Variants in SYNE3 observed in about 807,000 individuals in gnomAD.
SYNE3 encodes the protein spectrin repeat containing nuclear envelope family member 3, also known as nesprin-3.
In SYNE3, 100 loss-of-function variants were observed where a neutral mutation model predicts 111.2. The observed-to-expected ratio is 0.90, with a 90% CI of 0.77 to 1.06. The LOEUF is 1.06. SYNE3 is among the 50% of genes least tolerant of loss of function. The probability of loss-of-function intolerance (pLI) is 0.00; values close to 1 mark genes in which losing one functional copy is unlikely to be tolerated. For missense variants in SYNE3, 1,160 were observed against 1,240.3 expected (o/e 0.94, Z 0.97); for synonymous variants, 547 against 533.9 (o/e 1.02, Z -0.34).
chr14:95,436,321 T>G (rs1886083324), intron 15 of SYNE3, among the ~76,000 whole-genome samples: 1 of 152,194 alleles, frequency 6.6e-6, no homozygotes, highest in Non-Finnish European at 1.5e-5. Context: ...GCCTCTGCTA[T>G]GAGAAGTCCA....
intron 10 of SYNE3, 172 bp downstream of exon 10, chr14:95,444,313 C>G: frequency 1.2e-6 from 1 of 818,940 alleles, no homozygotes; most frequent in South Asian, 2.5e-5. Flanking sequence ...CAGGAACCAT[C>G]AGATAAATAA....
At position 95,439,078 on chromosome 14, in the gene SYNE3, T is replaced by A; in HGVS notation, c.2331A>T (p.Gly777=). 1.2e-6 allele frequency: 2 copies of A among 1,614,214 alleles called. No homozygotes were observed. The highest frequency in any genetic ancestry group is 1.7e-6 in the Non-Finnish European group (2 of 1,180,032). Residue 777 remains glycine, a synonymous_variant, in exon 14 of 18, where the codon GGA becomes GGT. Coordinates refer to ENST00000682763, the MANE Select transcript of SYNE3 (RefSeq NM_152592.6). ...MVFTNNIPKS[G]FLINPMDPIP... ...TAGGATCCATGGGATTGATGAGAAA[T>A]CCTGACTTTGGGATGTTGTTGGTGA...
intron 17 of SYNE3, among the ~76,000 whole-genome samples, chr14:95,426,081 A>G (rs1350794580): frequency 6.6e-6 from 1 of 152,240 alleles, no homozygotes; most frequent in Non-Finnish European, 1.5e-5. Context: ...AGTGACAGAA[A>G]GACGAAGAAA....
chr14:95,452,482 G>A (rs1452896975), intron 6 of SYNE3, 99 bp from the exon 7 acceptor site: 1 of 1,399,964 alleles, frequency 7.1e-7, no homozygotes, highest in Non-Finnish European at 9.4e-7. Flanking sequence ...GGTGGGCTAG[G>A]CTAGGAAGAA....
In SYNE3 at chr14:95,413,720, G is replaced by C. The variant is rs1376967520; in HGVS notation, c.*4106C>G. 6.6e-6 allele frequency: 1 copy of C among 152,278 alleles called. No homozygotes were observed. The highest frequency in any genetic ancestry group is 1.5e-5 in the Non-Finnish European group (1 of 68,120). The allele number at this position is 152,278 out of a possible 1,614,324, so 9.4% of individuals were successfully genotyped here. ...TCTTTGGACCCCCGGTCCCTGCAGG[G>C]AACTCCAGCCAGCTGCCTGAAGCAA... On this transcript the variant is annotated 3_prime_UTR_variant, in exon 18 of 18. Transcript: ENST00000682763.
Position 95,455,731 on chromosome 14 carries a change from A to G in SYNE3, c.790-7T>C, listed in dbSNP as rs769692822. ...GAAAATCTTTGGCAATGTCCTGAAG[A>G]GGGTAGAGGGGTGAGGGAAAAACAG... On this transcript the variant is annotated splice_polypyrimidine_tract_variant and splice_region_variant and intron_variant, in intron 5 of 17. Coordinates refer to ENST00000682763, the MANE Select transcript of SYNE3 (RefSeq NM_152592.6). 48 of 1,612,674 alleles carry G rather than the reference A, an allele frequency of 3.0e-5. 1 individual carries two copies. The South Asian group carries it at 4.7e-4, about 16-fold the overall frequency.
chr14:95,475,352 AC>A (rs1269205951), intron 2 of SYNE3, among the ~76,000 whole-genome samples: 1 of 151,086 alleles, frequency 6.6e-6, no homozygotes, highest in Non-Finnish European at 1.5e-5. Flanking sequence ...AGGGCTGGGG[AC>A]CCACCAGGCT....
chr14:95,460,367 GT>G (rs548346693), intron 4 of SYNE3, among the ~76,000 whole-genome samples: 5,647 of 85,174 alleles, frequency 0.066, 114 homozygotes, highest in African/African-American at 0.095. Context: ...ACGATGCCTA[GT>G]TTTTTTTTTT....
chr14:95,427,462 T>G (rs1306856653), intron 17 of SYNE3, among the ~76,000 whole-genome samples: 2 of 152,232 alleles, frequency 1.3e-5, no homozygotes, highest in Non-Finnish European at 2.9e-5. Context: ...CTAGTCCACT[T>G]TGATGTTCCA....
intron 1 of SYNE3, among the ~76,000 whole-genome samples, chr14:95,483,374 C>T (rs970697763): frequency 6.6e-6 from 1 of 152,170 alleles, no homozygotes; most frequent in Non-Finnish European, 1.5e-5. Flanking sequence ...GTGACTCACT[C>T]GGCTGTCCTG....
chr14:95,487,606 TA>T (rs1291353220), intron 1 of SYNE3, among the ~76,000 whole-genome samples: 1 of 152,160 alleles, frequency 6.6e-6, no homozygotes, highest in African/African-American at 2.4e-5. Context: ...CACAGTTTGA[TA>T]AGTTTTAGAT....
chr14:95,423,290 A>T (rs1383802813), intron 17 of SYNE3, among the ~76,000 whole-genome samples: 1 of 152,146 alleles, frequency 6.6e-6, no homozygotes, highest in Non-Finnish European at 1.5e-5. Flanking sequence ...ACGGAGCCTC[A>T]TCCAGGAGCG....
In SYNE3 at chr14:95,491,092, G is replaced by A. The variant is rs893287355; in HGVS notation, c.-14-15257C>T. Among the ~76,000 whole-genome samples the A allele has an allele frequency of 3.9e-5, 6 of 152,272 alleles. 1 individual carries two copies. The highest frequency in any genetic ancestry group is 3.9e-4 in the East Asian group (2 of 5,184). ...GTTCTTGGGGCCAGGTCAGGGTAGG[G>A]AGTTGCTGGAACTGCCCCCAGATTT... On this transcript the variant is annotated intron_variant, in intron 1 of 17. Transcript: ENST00000682763.
chr14:95,443,042 A>G, intron 11 of SYNE3, 113 bp downstream of exon 11: 1 of 1,355,540 alleles, frequency 7.4e-7, no homozygotes. Flanking sequence ...GGAGAAAGAA[A>G]AAAGAGAGGT....
chr14:95,423,369 C>A (rs1253627920), intron 17 of SYNE3, among the ~76,000 whole-genome samples: 1 of 152,178 alleles, frequency 6.6e-6, no homozygotes, highest in Non-Finnish European at 1.5e-5. Context: ...CTGCCATCCC[C>A]CTGTGAGCAG....
intron 1 of SYNE3, among the ~76,000 whole-genome samples, chr14:95,505,204 C>T (rs756248224): frequency 3.3e-5 from 5 of 152,248 alleles, no homozygotes; most frequent in African/African-American, 4.8e-5. Context: ...TACGCGGCAG[C>T]GCTGAACCCC....
chr14:95,448,682 C>T (rs1437859818), intron 8 of SYNE3, among the ~76,000 whole-genome samples: 1 of 152,164 alleles, frequency 6.6e-6, no homozygotes, highest in African/African-American at 2.4e-5. Context: ...AGCAAGACTT[C>T]GTCTCCAAAC....
chr14:95,450,013 T>G lies in SYNE3; in HGVS notation c.1367A>C (p.Lys456Thr). The change falls in exon 8 of 18, where the codon AAG (lysine) becomes ACG (threonine). Residue 456 changes from lysine (K) to threonine (T), a missense_variant. Transcript: ENST00000682763. ...QRPLQDLQLWKALAQRLLEVT... is the reference protein window; with the variant it reads ...QRPLQDLQLWTALAQRLLEVT... ...CTCCAAGAGCCGCTGGGCCAGGGCC[T>G]TCCACAGCTGCAGATCCTGCAGAGG... 6.4e-7 allele frequency: 1 copy of G among 1,557,132 alleles called. No individual in the cohort carries two copies. Among genetic ancestry groups the G allele is most frequent in the Non-Finnish European group, 8.7e-7 (1 of 1,150,348 alleles).
chr14:95,460,839 C>T (rs898436245), intron 4 of SYNE3, among the ~76,000 whole-genome samples: 6 of 152,186 alleles, frequency 3.9e-5, no homozygotes, highest in Admixed American at 6.5e-5. Context: ...GGCCCCTGGC[C>T]GCGCTGATGG....
Sources: gnomAD v4.1 joint callset for allele counts (sites outside exome capture counted in the v4.1 genomes callset) on GRCh38, gnomAD v4.1.1 for gene constraint, MANE v1.5 for transcripts, NCBI Gene and HGNC (gene_info 2026-07-23, HGNC 2026-07-21) for gene names.